The following TTPAL variants were observed in gnomAD, a reference collection of about 807,000 sequenced individuals.
The protein encoded by TTPAL is alpha-tocopherol transfer protein-like.
TTPAL carries 21 observed loss-of-function variants against 28.7 expected under a neutral mutation model. The observed-to-expected ratio is 0.73, with a 90% CI of 0.52 to 1.06. TTPAL has a LOEUF of 1.06. TTPAL is among the 50% of genes least tolerant of loss of function. TTPAL has a pLI of 0.00. For missense variants in TTPAL, 345 were observed against 425.5 expected (o/e 0.81, Z 1.67); for synonymous variants, 169 against 171.9 (o/e 0.98, Z 0.13).
rs2122782950 is a variant in TTPAL, at chr20:44,480,101, A to G, written c.102A>G (p.Ser34=). Residue 34 remains serine (S), a synonymous_variant, in exon 2 of 5, where the codon TCA becomes TCG. Coordinates refer to ENST00000262605, the MANE Select transcript of TTPAL (RefSeq NM_001039199.3). This position sits in a 1 kb window ranked among gnomAD's most constrained non-coding sequence, Gnocchi z 4.1. The part of the protein sequence containing the change: ...PPPEPPGYVC[S]LTEDLVTKAR... ...CTGAGCCTCCGGGCTATGTGTGCTC[A>G]CTGACAGAAGACCTGGTCACCAAAG... 6.2e-7 allele frequency: 1 copy of G among 1,614,184 alleles called. No homozygotes were observed. Among genetic ancestry groups the G allele is most frequent in the Non-Finnish European group, 8.5e-7 (1 of 1,180,034 alleles).
Position 44,489,558 on chromosome 20 carries a change from A to G in TTPAL, c.*17A>G, listed in dbSNP as rs763468112. The stretch of plus-strand genomic sequence containing the variant: ...TGCTACTAGCCCGTCCCCCAGGGTC[A>G]CCATCTTTAATTCTTTTCCTTCTTT... On this transcript the variant is annotated 3_prime_UTR_variant, in exon 5 of 5. Transcript: ENST00000262605. The G allele has an allele frequency of 1.9e-6, 3 of 1,604,654 alleles. No individual in the cohort carries two copies. Among genetic ancestry groups the G allele is most frequent in the African/African-American group, 2.7e-5 (2 of 74,580 alleles).
intron 4 of TTPAL, among the ~76,000 whole-genome samples, chr20:44,488,910 A>C (rs1429060320): frequency 6.6e-6 from 1 of 152,190 alleles, no homozygotes; most frequent in Admixed American, 6.5e-5. Context: ...AGTTTCACTG[A>C]AAAGAACTTA....
At chr20:44,481,872 G>A (rs769847160) in intron 2 of TTPAL, among the ~76,000 whole-genome samples, 36 of 152,248 alleles carry the variant, frequency 2.4e-4, no homozygotes, top group Non-Finnish European at 4.4e-4. Flanking sequence ...ATTTTAGGGC[G>A]CCAGGAGACT....
intron 1 of TTPAL, among the ~76,000 whole-genome samples, chr20:44,477,643 CTATT>C (rs200146629): frequency 1.6e-3 from 234 of 149,958 alleles, no homozygotes; most frequent in Middle Eastern, 6.8e-3. Context: ...ATCTATCTAT[CTATT>C]TATTTATTTA....
rs1312119555 is a variant in TTPAL, at chr20:44,480,387, C to G, written c.388C>G (p.Leu130Val). Reference sequence around the variant, plus strand: ...AAAAGATGTCCTTGCTTCCGGGTTCCTCACCGTGCTGCCCCACACTGACCC... The same window carrying G: ...AAAAGATGTCCTTGCTTCCGGGTTCGTCACCGTGCTGCCCCACACTGACCC... The part of the protein sequence containing the change: ...ALKDVLASGF[L>V]TVLPHTDPRG... Residue 130 changes from leucine (L) to valine (V), a missense_variant, in exon 2 of 5, where the codon CTC (leucine) becomes GTC (valine). Physicochemically the swap from Leu to Val is conservative, Grantham distance 32. Transcript: ENST00000262605. This position sits in a 1 kb window ranked among gnomAD's most constrained non-coding sequence, Gnocchi z 4.1. 1 of 1,613,928 alleles carries G rather than the reference C, an allele frequency of 6.2e-7. No homozygotes were observed.
intron 1 of TTPAL, among the ~76,000 whole-genome samples, chr20:44,477,967 T>A (rs2064061617): frequency 1.3e-5 from 2 of 152,058 alleles, no homozygotes; most frequent in African/African-American, 4.8e-5. Context: ...AGAAAAAATT[T>A]AAAAATTAGC....
In TTPAL at chr20:44,480,072, C is replaced by T. The variant is rs1170100310; in HGVS notation, c.73C>T (p.Pro25Ser). The stretch of plus-strand genomic sequence containing the variant: ...ACTCTCTGAAAATGAGCTGCCACCA[C>T]CACCTGAGCCTCCGGGCTATGTGTG... Reference protein sequence around the residue: ...ASLSENELPPPPEPPGYVCSL... With the variant: ...ASLSENELPPSPEPPGYVCSL... Residue 25 changes from proline (P) to serine (S), a missense_variant, in exon 2 of 5, where the codon CCA becomes TCA. Coordinates refer to ENST00000262605, the MANE Select transcript of TTPAL (RefSeq NM_001039199.3). This position sits in a 1 kb window ranked among gnomAD's most constrained non-coding sequence, Gnocchi z 4.1. The T allele has an allele frequency of 6.2e-7, 1 of 1,614,214 alleles. No individual in the cohort carries two copies. The highest frequency in any genetic ancestry group is 8.5e-7 in the Non-Finnish European group (1 of 1,180,038).
intron 4 of TTPAL, 115 bp from the exon 5 acceptor site, chr20:44,489,148 T>G: frequency 8.2e-7 from 1 of 1,217,692 alleles, no homozygotes; most frequent in Non-Finnish European, 1.1e-6. Context: ...AGAGTTGCCA[T>G]TAACATTTCC....
In TTPAL at chr20:44,480,055, A is replaced by C; in HGVS notation, c.56A>C (p.Glu19Ala). Residue 19 changes from glutamate to alanine, a missense_variant, in exon 2 of 5, where the codon GAA becomes GCA. By Grantham distance (107) the Glu-to-Ala change is moderately radical. Transcript: ENST00000262605. This position sits in a 1 kb window ranked among gnomAD's most constrained non-coding sequence, Gnocchi z 4.1. ...RTSPSVASLS[E>A]NELPPPPEPP... ...AGCCCTTCTGTGGCCTCACTCTCTG[A>C]AAATGAGCTGCCACCACCACCTGAG... 6.2e-7 allele frequency: 1 copy of C among 1,614,202 alleles called. No homozygotes were observed. Among genetic ancestry groups the C allele is most frequent in the Non-Finnish European group, 8.5e-7 (1 of 1,180,038 alleles).
intron 2 of TTPAL, among the ~76,000 whole-genome samples, chr20:44,483,845 G>A (rs191439214): frequency 2.6e-5 from 4 of 152,210 alleles, no homozygotes; most frequent in African/African-American, 9.6e-5. Context: ...TGTCACCCAG[G>A]CTGGAGTACA....
rs762395216 is a variant in TTPAL at position 44,489,439 on chromosome 20, C to T, written c.927C>T (p.Asp309=). Residue 309 remains aspartate (D), a synonymous_variant, in exon 5 of 5, where the codon GAC becomes GAT. Transcript: ENST00000262605. The stretch of plus-strand genomic sequence containing the variant: ...TCTGCCAACCTGTTCCTGCCTGTGA[C>T]AGCATCCTGGGCCAGACGCTGCTGC... ...KEFCQPVPAC[D]SILGQTLLPE... 2 of 1,614,214 alleles carry T rather than the reference C, an allele frequency of 1.2e-6. No homozygotes were observed. The highest frequency in any genetic ancestry group is 1.7e-5 in the Admixed American group (1 of 60,018).
At position 44,486,676 on chromosome 20, in the gene TTPAL, A is replaced by G. The variant is rs751624223; in HGVS notation, c.720A>G (p.Lys240=). Residue 240 remains lysine (K), a synonymous_variant, in exon 4 of 5, where the codon AAA becomes AAG. Transcript: ENST00000262605. ...TTAAAGGCATTTTTGCCATCATAAA[A>G]CCATTTCTAAAGGAGAAAATAGCAA... ...RIFKGIFAII[K]PFLKEKIANR... The G allele has an allele frequency of 6.2e-7, 1 of 1,611,746 alleles. No homozygotes were observed. The highest frequency in any genetic ancestry group is 8.5e-7 in the Non-Finnish European group (1 of 1,178,236).
rs1473110999 is a variant in TTPAL, at chr20:44,491,536, G to A, written c.*1995G>A. 1 of 152,276 alleles carries A rather than the reference G, an allele frequency of 6.6e-6. No individual in the cohort carries two copies. The highest frequency in any genetic ancestry group is 1.5e-5 in the Non-Finnish European group (1 of 68,026). 9.4% of individuals were successfully genotyped at this position (152,276 alleles called of 1,614,324 possible). A position where few individuals can be genotyped will look rare whatever the true frequency, so the allele number is the denominator to read the frequency against. On this transcript the variant is annotated 3_prime_UTR_variant, in exon 5 of 5. Transcript: ENST00000262605. ...TAAATGTCTGGATAAGTTGTTGGTGGAAATTAAGTTACTTAACCTCATTAA... is the reference window on the plus strand; with the variant it reads ...TAAATGTCTGGATAAGTTGTTGGTGAAAATTAAGTTACTTAACCTCATTAA...
chr20:44,484,654 C>A (rs1208341459), intron 3 of TTPAL, 124 bp downstream of exon 3: 3 of 677,744 alleles, frequency 4.4e-6, no homozygotes, highest in East Asian at 5.3e-5. Flanking sequence ...CTGAAAAACA[C>A]AAAAGCATTA....
rs557274597 is a variant in TTPAL at position 44,493,345 on chromosome 20, G to A, written c.*3804G>A. 6.6e-6 allele frequency: 1 copy of A among 152,362 alleles called. No homozygotes were observed. The highest frequency in any genetic ancestry group is 6.5e-5 in the Admixed American group (1 of 15,276). 9.4% of individuals were successfully genotyped at this position (152,362 alleles called of 1,614,324 possible). ...TTTTTCCCGAAATAAGACAATAAGAGGCTTTTCTCTGAATTCCTTTATATT... is the reference window on the plus strand; with the variant it reads ...TTTTTCCCGAAATAAGACAATAAGAAGCTTTTCTCTGAATTCCTTTATATT... On this transcript the variant is annotated 3_prime_UTR_variant, in exon 5 of 5. Coordinates refer to ENST00000262605, the MANE Select transcript of TTPAL (RefSeq NM_001039199.3).
intron 4 of TTPAL, among the ~76,000 whole-genome samples, chr20:44,488,006 T>C (rs2064168101): frequency 6.6e-6 from 1 of 152,194 alleles, no homozygotes. Flanking sequence ...TGACCTCAGG[T>C]GATCCACCCG....
At chr20:44,479,407 T>G (rs989113776) in intron 1 of TTPAL, among the ~76,000 whole-genome samples, 2 of 82,504 alleles carry the variant, frequency 2.4e-5, no homozygotes, top group South Asian at 4.4e-4. Context: ...TTGTTTTTTT[T>G]TTTTTTTTTT....
At chr20:44,487,224 G>A (rs1226214499) in intron 4 of TTPAL, among the ~76,000 whole-genome samples, 1 of 151,592 alleles carries the variant, frequency 6.6e-6, no homozygotes, top group African/African-American at 2.4e-5. Flanking sequence ...GGAGGTTGCA[G>A]TGAGCCAAGA....
chr20:44,479,899 A>C lies in TTPAL; in HGVS notation c.-15-86A>C, dbSNP rs112178636. 322 of 1,140,064 alleles carry C rather than the reference A, an allele frequency of 2.8e-4. 1 individual carries two copies. In the African/African-American group the frequency reaches 4.5e-3, roughly 16 times the overall value. The allele number at this position is 1,140,064 out of a possible 1,614,324, so 70.6% of individuals were successfully genotyped here. On this transcript the variant is annotated intron_variant, in intron 1 of 4. Coordinates refer to ENST00000262605, the MANE Select transcript of TTPAL (RefSeq NM_001039199.3). ...TGCCCTGAGGTTACTCGGTTTTTAC[A>C]GAAGTGTTCCTGTCCCCTACACTGT...
Sources: gnomAD v4.1 joint callset for allele counts (sites outside exome capture counted in the v4.1 genomes callset) on GRCh38, gnomAD v4.1.1 for gene constraint, Gnocchi (gnomAD v3.1) non-coding constraint, MANE v1.5 for transcripts, NCBI Gene and HGNC (gene_info 2026-07-23, HGNC 2026-07-21) for gene names.